ELAPOR1: variants seen among roughly 807,000 people sequenced by gnomAD.
ELAPOR1 encodes endosome-lysosome associated apoptosis and autophagy regulator 1.
In ELAPOR1, 77 loss-of-function variants were observed where a neutral mutation model predicts 119.7. That is an observed-to-expected ratio of 0.64 (90% CI 0.54 to 0.78). The LOEUF is 0.78. Among genes scored for constraint, ELAPOR1 ranks in the 30% least tolerant of loss-of-function variants. The pLI is 0.00. For synonymous variants in ELAPOR1, 481 were observed against 487.2 expected (o/e 0.99, Z 0.17); for missense variants, 1,115 against 1,270.4 (o/e 0.88, Z 1.86).
intron 18 of ELAPOR1, 50 bp downstream of exon 18, chr1:109,198,724 A>G (rs181575387): frequency 1.3e-6 from 2 of 1,483,170 alleles, no homozygotes; most frequent in East Asian, 4.6e-5. Flanking sequence ...CCTTGAAGTC[A>G]TTCCATCCTG....
At chr1:109,131,993 T>G (rs1649177814) in intron 1 of ELAPOR1, among the ~76,000 whole-genome samples, 1 of 152,286 alleles carries the variant, frequency 6.6e-6, no homozygotes, top group African/African-American at 2.4e-5. Context: ...AGATTAGACT[T>G]GATTATGAAC....
At chr1:109,179,081 G>A (rs1195029807) in intron 7 of ELAPOR1, among the ~76,000 whole-genome samples, 1 of 152,054 alleles carries the variant, frequency 6.6e-6, no homozygotes, top group Non-Finnish European at 1.5e-5. Flanking sequence ...TAGTGATTTG[G>A]TGGGGGCAGG....
At chr1:109,147,540 T>C (rs1650256655) in intron 1 of ELAPOR1, among the ~76,000 whole-genome samples, 1 of 152,176 alleles carries the variant, frequency 6.6e-6, no homozygotes, top group African/African-American at 2.4e-5. Context: ...TTAACACGTG[T>C]CATTAAACAT....
At position 109,138,570 on chromosome 1, in the gene ELAPOR1, C is replaced by CCAGCAGCAGCAGCAGCAGCAG. The variant is rs71069652; in HGVS notation, c.154-23320_154-23300dup. 4.4e-3 allele frequency among the ~76,000 whole-genome samples: 663 copies of CCAGCAGCAGCAGCAGCAGCAG among 151,192 alleles called. 8 individuals carry two copies. The highest frequency in any genetic ancestry group is 0.015 in the African/African-American group (616 of 41,156). ...GTTTCTATCACCTCCTCCCTCCCCA[C>CCAGCAGCAGCAGCAGCAGCAG]CAGCAGCAGCAGCAGCAGCAGCAGG... On this transcript the variant is annotated intron_variant, in intron 1 of 21. Transcript: ENST00000369939.
At chr1:109,118,595 G>A (rs147548396) in intron 1 of ELAPOR1, among the ~76,000 whole-genome samples, 92 of 152,300 alleles carry the variant, frequency 6.0e-4, no homozygotes, top group African/African-American at 1.9e-3. Flanking sequence ...ATGGAAAGGC[G>A]TCTGTGTGAA....
At position 109,161,886 on chromosome 1, in the gene ELAPOR1, C is replaced by T; in HGVS notation, c.154-8C>T. ...TGCACATTTCGCCCACTGTTCTCTC[C>T]CCTGCAGTCTGAGTACCACTATGAG... On this transcript the variant is annotated splice_region_variant and splice_polypyrimidine_tract_variant and intron_variant, in intron 1 of 21. Coordinates refer to ENST00000369939, the MANE Select transcript of ELAPOR1 (RefSeq NM_020775.5). The T allele has an allele frequency of 6.2e-7, 1 of 1,608,110 alleles. No individual in the cohort carries two copies. Among genetic ancestry groups the T allele is most frequent in the Non-Finnish European group, 8.5e-7 (1 of 1,174,992 alleles).
At chr1:109,125,125 T>C (rs1406179567) in intron 1 of ELAPOR1, among the ~76,000 whole-genome samples, 7 of 152,090 alleles carry the variant, frequency 4.6e-5, no homozygotes, top group Non-Finnish European at 1.0e-4. Context: ...GATGGCACTA[T>C]ACCATGTTGG....
chr1:109,152,134 A>C (rs936898425), intron 1 of ELAPOR1, among the ~76,000 whole-genome samples: 1 of 152,172 alleles, frequency 6.6e-6, no homozygotes, highest in Non-Finnish European at 1.5e-5. Flanking sequence ...CTGGCCTCCC[A>C]AAGTGTTGGG....
At chr1:109,128,796 C>G (rs532081520) in intron 1 of ELAPOR1, among the ~76,000 whole-genome samples, 1 of 152,324 alleles carries the variant, frequency 6.6e-6, no homozygotes, top group South Asian at 2.1e-4. Context: ...AGGTTTGAGA[C>G]CAGAGCCCAA....
At chr1:109,159,248 G>T (rs1651092747) in intron 1 of ELAPOR1, among the ~76,000 whole-genome samples, 1 of 152,108 alleles carries the variant, frequency 6.6e-6, no homozygotes, top group African/African-American at 2.4e-5. Flanking sequence ...TTTGAAACAG[G>T]TGTATTAGAA....
At chr1:109,186,857 G>A in intron 8 of ELAPOR1, 2 of 985,532 alleles carry the variant, frequency 2.0e-6, no homozygotes, top group South Asian at 9.4e-5. Context: ...AAGCCCGGGT[G>A]TCTGCCTTGG....
chr1:109,150,440 G>A (rs755507525), intron 1 of ELAPOR1, among the ~76,000 whole-genome samples: 12 of 152,196 alleles, frequency 7.9e-5, no homozygotes, highest in Non-Finnish European at 7.3e-5. Flanking sequence ...AGCAAAGGCC[G>A]GCAGGACTGG....
At chr1:109,173,088 ACT>A (rs906654265) in intron 5 of ELAPOR1, among the ~76,000 whole-genome samples, 2 of 131,726 alleles carry the variant, frequency 1.5e-5, no homozygotes, top group African/African-American at 6.2e-5. Flanking sequence ...CAAAAGCGAA[ACT>A]CTGTCTCAAA....
At chr1:109,179,239 A>G (rs1350304682) in intron 7 of ELAPOR1, among the ~76,000 whole-genome samples, 1 of 151,538 alleles carries the variant, frequency 6.6e-6, no homozygotes. Context: ...CATCTCTACT[A>G]AAAATTCAAA....
rs1654400549 is a variant in ELAPOR1, at chr1:109,204,923, C to G, written c.*1911C>G. On this transcript the variant is annotated 3_prime_UTR_variant, in exon 22 of 22. Coordinates refer to ENST00000369939, the MANE Select transcript of ELAPOR1 (RefSeq NM_020775.5). ...AAAAATAAACAAGGTGTTCACCAAGCTGGGATACTTCTCACTATTAAGCCC... is the reference window on the plus strand; with the variant it reads ...AAAAATAAACAAGGTGTTCACCAAGGTGGGATACTTCTCACTATTAAGCCC... 1 of 152,192 alleles carries G rather than the reference C, an allele frequency of 6.6e-6. No individual in the cohort carries two copies. The highest frequency in any genetic ancestry group is 1.5e-5 in the Non-Finnish European group (1 of 68,040). 9.4% of individuals were successfully genotyped at this position (152,192 alleles called of 1,614,324 possible).
rs866762031 is a variant in ELAPOR1 at position 109,173,480 on chromosome 1, C to G, written c.703C>G (p.Leu235Val). ...EKGWEFHSVE[L>V]NRGNNVLYWR... ...TCCTGTTTGTGGTTTTTAGGTGGAGCTAAATCGAGGCAATAATGTCCTCTA... is the reference window on the plus strand; with the variant it reads ...TCCTGTTTGTGGTTTTTAGGTGGAGGTAAATCGAGGCAATAATGTCCTCTA... Residue 235 changes from leucine (L) to valine (V), a missense_variant, in exon 6 of 22, where the codon CTA (leucine) becomes GTA (valine). Transcript: ENST00000369939. The G allele has an allele frequency of 1.2e-6, 2 of 1,613,658 alleles. No individual in the cohort carries two copies. Among genetic ancestry groups the G allele is most frequent in the Middle Eastern group, 1.7e-4 (1 of 6,044 alleles).
chr1:109,185,108 A>AC lies in ELAPOR1; in HGVS notation c.1017dup (p.Thr340HisfsTer22). The AC allele has an allele frequency of 6.2e-7, 1 of 1,614,080 alleles. No homozygotes were observed. The highest frequency in any genetic ancestry group is 1.1e-5 in the South Asian group (1 of 91,072). On this transcript the variant is annotated frameshift_variant, in exon 8 of 22. Transcript: ENST00000369939. LOFTEE classifies it high-confidence loss of function. ...ACAGACAAAGATTATTTCTACACAC[A>AC]CACGGCCTGCGATGCCAACGGAGAG...
chr1:109,141,994 A>C (rs908392037), intron 1 of ELAPOR1, among the ~76,000 whole-genome samples: 1 of 152,138 alleles, frequency 6.6e-6, no homozygotes, highest in Non-Finnish European at 1.5e-5. Flanking sequence ...TCCAGAATAC[A>C]TGCTGGAGAG....
chr1:109,115,653 A>G (rs538682729), intron 1 of ELAPOR1, among the ~76,000 whole-genome samples: 6 of 152,196 alleles, frequency 3.9e-5, no homozygotes, highest in Non-Finnish European at 5.9e-5. Context: ...AAATTCTTAT[A>G]AAGATGTTCT....
Sources: allele counts gnomAD v4.1 joint callset (sites outside exome capture counted in the v4.1 genomes callset), GRCh38; gene constraint gnomAD v4.1.1; transcripts MANE v1.5; gene names NCBI Gene and HGNC (gene_info 2026-07-23, HGNC 2026-07-21).